Variants in MARCHF1 observed in about 807,000 individuals in gnomAD.
MARCHF1 encodes the protein membrane associated ring-CH-type finger 1, also known as E3 ubiquitin-protein ligase MARCHF1.
MARCHF1 carries 40 observed loss-of-function variants against 54.2 expected under a neutral mutation model. The ratio of observed to expected loss-of-function variants is 0.74; its 90% CI spans 0.57 to 0.96. MARCHF1 has a LOEUF of 0.96. MARCHF1 is among the 40% of genes least tolerant of loss of function. MARCHF1 has a pLI of 0.00. For missense variants in MARCHF1, 586 were observed against 656.5 expected, an observed-to-expected ratio of 0.89 and a Z score of 1.17; for synonymous variants, 236 against 236.3, an observed-to-expected ratio of 1.00 and a Z score of 0.01.
chr4:163,609,784 T>A (rs1256245718), intron 7 of MARCHF1, among the ~76,000 whole-genome samples: 1 of 151,786 alleles, frequency 6.6e-6, no homozygotes, highest in African/African-American at 2.4e-5. Context: ...TGGCTGAAAA[T>A]GGGCTGAGGG....
intron 1 of MARCHF1, among the ~76,000 whole-genome samples, chr4:164,279,305 A>G (rs868082784): frequency 6.6e-6 from 1 of 151,646 alleles, no homozygotes; most frequent in African/African-American, 2.4e-5. Flanking sequence ...ATAAATTAAT[A>G]TACTAGGAAA....
intron 2 of MARCHF1, among the ~76,000 whole-genome samples, chr4:163,999,510 C>G (rs1176455869): frequency 6.6e-6 from 1 of 151,432 alleles, no homozygotes; most frequent in Non-Finnish European, 1.5e-5. Context: ...ATTATTTCCA[C>G]TAGTTGATTA....
Position 163,748,406 on chromosome 4 carries a change from CAAA to C in MARCHF1, c.112-47546_112-47544del, listed in dbSNP as rs11315071. On this transcript the variant is annotated intron_variant, in intron 4 of 9. Coordinates refer to ENST00000514618, the MANE Select transcript of MARCHF1 (RefSeq NM_001394959.1). ...TTAGAATCAGCTTGTTAATTTCTACCAAAAAAAAAAAAAAAAAGATCCCACAAG... is the reference window on the plus strand; with the variant it reads ...TTAGAATCAGCTTGTTAATTTCTACCAAAAAAAAAAAAAAGATCCCACAAG... 8.0e-4 allele frequency among the ~76,000 whole-genome samples: 102 copies of C among 128,132 alleles called. 1 individual carries two copies. The South Asian group carries it at 9.6e-3, about 12-fold the overall frequency. The allele number at this position is 128,132 out of a possible 152,430, so 84.1% of individuals were successfully genotyped here.
At chr4:164,017,371 A>C (rs1035700574) in intron 2 of MARCHF1, among the ~76,000 whole-genome samples, 1 of 152,068 alleles carries the variant, frequency 6.6e-6, no homozygotes, top group Non-Finnish European at 1.5e-5. Flanking sequence ...AAGCCTACAC[A>C]AAACAAAATT....
chr4:164,293,004 A>G (rs1009823081), intron 1 of MARCHF1, among the ~76,000 whole-genome samples: 20 of 151,976 alleles, frequency 1.3e-4, no homozygotes, highest in Admixed American at 6.6e-5. Flanking sequence ...CTTTAACAAC[A>G]CCCATGAAAG....
intron 1 of MARCHF1, among the ~76,000 whole-genome samples, chr4:164,119,918 G>C (rs748668205): frequency 7.9e-5 from 12 of 151,736 alleles, no homozygotes; most frequent in Non-Finnish European, 1.6e-4. Context: ...ATCATTCATA[G>C]ACCTAATAAT....
intron 1 of MARCHF1, among the ~76,000 whole-genome samples, chr4:164,235,948 T>A (rs368872692): frequency 6.6e-6 from 1 of 152,124 alleles, no homozygotes; most frequent in East Asian, 1.9e-4. Context: ...CTAGTTCACA[T>A]CCTTGCCTTT....
intron 5 of MARCHF1, among the ~76,000 whole-genome samples, chr4:163,669,449 C>A (rs1743652607): frequency 6.6e-6 from 1 of 152,100 alleles, no homozygotes; most frequent in African/African-American, 2.4e-5. Flanking sequence ...AATCCTTGGG[C>A]TCAGGCTGGA....
chr4:163,676,563 A>G (rs1743928292), intron 5 of MARCHF1, among the ~76,000 whole-genome samples: 1 of 152,116 alleles, frequency 6.6e-6, no homozygotes, highest in African/African-American at 2.4e-5. Context: ...CTGCGGCAAC[A>G]TAGCAAGACC....
chr4:164,372,925 T>C (rs1239585333), intron 1 of MARCHF1, among the ~76,000 whole-genome samples: 2 of 152,160 alleles, frequency 1.3e-5, no homozygotes, highest in Admixed American at 1.3e-4. Context: ...CACCTTTCTT[T>C]AGTTTCTCAA....
At chr4:163,691,123 C>A (rs1393954417) in intron 5 of MARCHF1, among the ~76,000 whole-genome samples, 1 of 152,162 alleles carries the variant, frequency 6.6e-6, no homozygotes, top group Non-Finnish European at 1.5e-5. Flanking sequence ...TCCCAGGGTG[C>A]CTTTTCCAAG....
chr4:164,307,130 T>C (rs1734716340), intron 1 of MARCHF1, among the ~76,000 whole-genome samples: 1 of 152,150 alleles, frequency 6.6e-6, no homozygotes, highest in African/African-American at 2.4e-5. Flanking sequence ...TACACTTCCT[T>C]GCCACCCACA....
chr4:163,768,341 A>C (rs949126782), intron 4 of MARCHF1, among the ~76,000 whole-genome samples: 2 of 152,224 alleles, frequency 1.3e-5, no homozygotes, highest in Non-Finnish European at 2.9e-5. Flanking sequence ...TCTCTTGTTG[A>C]AAAGAACACT....
At chr4:164,081,297 A>T (rs1755096840) in intron 2 of MARCHF1, among the ~76,000 whole-genome samples, 1 of 151,136 alleles carries the variant, frequency 6.6e-6, no homozygotes, top group African/African-American at 2.4e-5. Context: ...TCATGATTCA[A>T]AATAACACAC....
At position 164,350,134 on chromosome 4, in the gene MARCHF1, A is replaced by T. The variant is rs182147049; in HGVS notation, c.-323+33736T>A. 3.9e-5 allele frequency among the ~76,000 whole-genome samples: 6 copies of T among 152,340 alleles called. No homozygotes were observed. The East Asian group carries it at 5.8e-4, about 15-fold the overall frequency. ...TATATACATATTTTAATAATCCAAG[A>T]AAAGAAAAAGATGCTTTACTCTCAT... On this transcript the variant is annotated intron_variant, in intron 1 of 9. Transcript: ENST00000514618.
At chr4:163,814,901 C>T (rs974888652) in intron 4 of MARCHF1, among the ~76,000 whole-genome samples, 1 of 152,202 alleles carries the variant, frequency 6.6e-6, no homozygotes, top group African/African-American at 2.4e-5. Flanking sequence ...GTCAGTACCT[C>T]TTTTTAGAAT....
intron 3 of MARCHF1, among the ~76,000 whole-genome samples, chr4:163,899,949 C>A (rs952902035): frequency 6.6e-6 from 1 of 151,680 alleles, no homozygotes; most frequent in African/African-American, 2.4e-5. Flanking sequence ...TTTCCTTAGC[C>A]TTAAAGTATT....
chr4:164,290,949 T>C (rs751934091), intron 1 of MARCHF1, among the ~76,000 whole-genome samples: 27 of 151,940 alleles, frequency 1.8e-4, no homozygotes, highest in Admixed American at 6.6e-4. Context: ...TTAAAATCTT[T>C]TAATTTTTTA....
chr4:164,320,582 AGCCTTT>A (rs1196694745), intron 1 of MARCHF1, among the ~76,000 whole-genome samples: 6 of 152,184 alleles, frequency 3.9e-5, no homozygotes, highest in African/African-American at 1.4e-4. Flanking sequence ...ACGAATGTAT[AGCCTTT>A]GCCATCCCAG....
Sources: gnomAD v4.1 joint callset for allele counts (sites outside exome capture counted in the v4.1 genomes callset) on GRCh38, gnomAD v4.1.1 for gene constraint, MANE v1.5 for transcripts, NCBI Gene and HGNC (gene_info 2026-07-23, HGNC 2026-07-21) for gene names.